Variants in DORIP1 observed in about 807,000 individuals in gnomAD.
DORIP1 encodes dopamine receptor interacting protein 1, also known as dopamine receptor-interacting protein 1.
chr14:44,901,536 C>T, the DORIP1 span, among the ~76,000 whole-genome samples: 1 of 152,220 alleles, frequency 6.6e-6, no homozygotes, highest in East Asian at 1.9e-4. Context: ...ATGAATTATT[C>T]AGTATGAAAA....
chr14:44,904,984 C>T, the DORIP1 span: 3 of 172,944 alleles, frequency 1.7e-5, no homozygotes, highest in Non-Finnish European at 3.6e-5. Context: ...ACTTGTATTT[C>T]AAGTCAGAGA....
At chr14:44,899,824 A>ATTTTTTTT in the DORIP1 span, among the ~76,000 whole-genome samples, 1 of 115,274 alleles carries the variant, frequency 8.7e-6, no homozygotes, top group Non-Finnish European at 1.7e-5. Context: ...TCATTTAGGA[A>ATTTTTTTT]TTTTTTTTTT....
the DORIP1 span, chr14:44,904,541 T>G: frequency 6.4e-7 from 1 of 1,564,668 alleles, no homozygotes; most frequent in Non-Finnish European, 8.6e-7. Flanking sequence ...TAGGTGTTTT[T>G]GTTGTTGTTT....
chr14:44,901,790 A>C, the DORIP1 span, among the ~76,000 whole-genome samples: 2 of 152,202 alleles, frequency 1.3e-5, no homozygotes, highest in Non-Finnish European at 2.9e-5. Flanking sequence ...GGATGTAAGC[A>C]GCTTTTATTT....
At chr14:44,906,986 T>C in the DORIP1 span, 1 of 152,446 alleles carries the variant, frequency 6.6e-6, no homozygotes, top group Non-Finnish European at 1.5e-5. Flanking sequence ...GGATTTAATT[T>C]AGAGTAAACT....
chr14:44,905,259 CAG>C, the DORIP1 span: 1 of 699,358 alleles, frequency 1.4e-6, no homozygotes, highest in South Asian at 3.8e-5. Context: ...TTTCAGGGAA[CAG>C]AATACAAACA....
chr14:44,904,740 A>G, the DORIP1 span: 3 of 431,944 alleles, frequency 6.9e-6, no homozygotes, highest in Non-Finnish European at 7.6e-6. Context: ...CAGAATAGAC[A>G]GAATTGGGTT....
At chr14:44,900,968 G>C in the DORIP1 span, 6 of 1,550,404 alleles carry the variant, frequency 3.9e-6, no homozygotes, top group Non-Finnish European at 5.2e-6. Context: ...AAGTAAGTTG[G>C]TCTAACGTCT....
the DORIP1 span, chr14:44,900,602 C>T: frequency 1.1e-5 from 17 of 1,609,770 alleles, no homozygotes; most frequent in African/African-American, 2.0e-4. Flanking sequence ...CTGAAAAATA[C>T]CTGCACCATA....
At chr14:44,903,952 T>G in the DORIP1 span, 1 of 974,806 alleles carries the variant, frequency 1.0e-6, no homozygotes, top group African/African-American at 1.8e-5. Flanking sequence ...TTCAATATGT[T>G]ATATTCTGAT....
chr14:44,900,483 TA>T, the DORIP1 span: 1 of 1,564,456 alleles, frequency 6.4e-7, no homozygotes, highest in Non-Finnish European at 8.6e-7. Flanking sequence ...AAAATAACTA[TA>T]ACCAAGATCG....
the DORIP1 span, among the ~76,000 whole-genome samples, chr14:44,902,328 T>C: frequency 1.3e-5 from 2 of 152,146 alleles, no homozygotes; most frequent in Admixed American, 1.3e-4. Context: ...TAATGTTTTA[T>C]TTATTTTTTT....
the DORIP1 span, chr14:44,897,471 AGCG>A: frequency 1.8e-3 from 375 of 209,810 alleles, no homozygotes; most frequent in South Asian, 5.1e-3. Context: ...TAGATGAGGC[AGCG>A]GCGGCGGCGG....
chr14:44,904,371 G>A, the DORIP1 span: 15 of 1,604,268 alleles, frequency 9.4e-6, no homozygotes, highest in African/African-American at 6.7e-5. Context: ...GTGTAATAAT[G>A]TTCATGCCTG....
chr14:44,906,129 T>C, the DORIP1 span: 2 of 151,306 alleles, frequency 1.3e-5, no homozygotes, highest in Non-Finnish European at 3.0e-5. Flanking sequence ...TTTCAGAGCT[T>C]AAACTATTTC....
the DORIP1 span, chr14:44,904,576 T>G: frequency 1.3e-6 from 2 of 1,502,216 alleles, no homozygotes; most frequent in Non-Finnish European, 8.9e-7. Flanking sequence ...TAAAAAAAAT[T>G]TATCCTGTTA....
chr14:44,906,444 G>C, the DORIP1 span: 2 of 152,134 alleles, frequency 1.3e-5, no homozygotes, highest in Non-Finnish European at 2.9e-5. Flanking sequence ...TCCTAGTGAA[G>C]TTTTATATTG....
the DORIP1 span, chr14:44,900,511 G>C: frequency 6.3e-7 from 1 of 1,592,956 alleles, no homozygotes. Flanking sequence ...TTGTAGGCCT[G>C]TTCTTCCTTG....
At chr14:44,898,502 T>C in the DORIP1 span, among the ~76,000 whole-genome samples, 3 of 152,214 alleles carry the variant, frequency 2.0e-5, no homozygotes, top group East Asian at 5.8e-4. Context: ...TCAGGCTCTT[T>C]AAGCAATCTT....
Sources: gnomAD v4.1 joint callset for allele counts (sites outside exome capture counted in the v4.1 genomes callset) on GRCh38, gnomAD v4.1.1 for gene constraint, MANE v1.5 for transcripts, NCBI Gene and HGNC (gene_info 2026-07-23, HGNC 2026-07-21) for gene names.